Variants in FAM13A observed in about 807,000 individuals in gnomAD.
FAM13A encodes the protein protein FAM13A.
In FAM13A, 76 loss-of-function variants were observed where a neutral mutation model predicts 129.6. That is an observed-to-expected ratio of 0.59 (90% CI 0.49 to 0.71). The LOEUF (loss-of-function observed/expected upper bound fraction) is 0.71, where lower values mean the gene tolerates loss of function less well. FAM13A is among the 30% of genes least tolerant of loss of function. The pLI is 0.00. For synonymous variants in FAM13A, 443 were observed against 449.9 expected (o/e 0.98, Z 0.20); for missense variants, 1,108 against 1,249.3 (o/e 0.89, Z 1.70).
intron 7 of FAM13A, among the ~76,000 whole-genome samples, chr4:88,820,742 G>C (rs1223271639): frequency 6.6e-6 from 1 of 152,160 alleles, no homozygotes; most frequent in Non-Finnish European, 1.5e-5. Context: ...GCTACCTCCA[G>C]ATTTGGATGC....
intron 13 of FAM13A, among the ~76,000 whole-genome samples, chr4:88,761,289 T>A (rs771269182): frequency 3.3e-4 from 51 of 152,344 alleles, no homozygotes; most frequent in Middle Eastern, 3.4e-3. Context: ...TCTCTACTAC[T>A]ATTTGACACC....
intron 6 of FAM13A, among the ~76,000 whole-genome samples, chr4:88,869,339 C>A (rs1164890792): frequency 6.6e-6 from 1 of 152,180 alleles, no homozygotes; most frequent in African/African-American, 2.4e-5. Context: ...TGGAGATGTT[C>A]TCAAACTCTT....
rs369450295 is a variant in FAM13A, at chr4:88,923,856, C to T, written c.759+14232G>A. The stretch of plus-strand genomic sequence containing the variant: ...AGCTGATAAGCAACTTCAGCAAAGT[C>T]TCAGGATACAAAATCAATGTACGAA... On this transcript the variant is annotated intron_variant, in intron 5 of 23. Coordinates refer to ENST00000264344, the MANE Select transcript of FAM13A (RefSeq NM_014883.4). 1.3e-3 allele frequency among the ~76,000 whole-genome samples: 194 copies of T among 152,252 alleles called. 3 individuals carry two copies. Among genetic ancestry groups the T allele is most frequent in the East Asian group, 5.6e-3 (29 of 5,178 alleles).
At chr4:88,997,370 T>G in intron 3 of FAM13A, among the ~76,000 whole-genome samples, 1 of 152,206 alleles carries the variant, frequency 6.6e-6, no homozygotes, top group African/African-American at 2.4e-5. Flanking sequence ...CAAGTTTTCT[T>G]GAAAGTTCTC....
intron 1 of FAM13A, among the ~76,000 whole-genome samples, chr4:89,050,359 C>T (rs939345198): frequency 6.6e-6 from 1 of 152,022 alleles, no homozygotes; most frequent in Non-Finnish European, 1.5e-5. Context: ...TGTGCCACCA[C>T]TCCCAGCTAA....
intron 1 of FAM13A, among the ~76,000 whole-genome samples, chr4:89,049,089 G>A (rs1771224394): frequency 6.6e-6 from 1 of 152,090 alleles, no homozygotes; most frequent in Non-Finnish European, 1.5e-5. Context: ...ATAGTGTTTT[G>A]AATTTTTATA....
chr4:89,010,789 C>T (rs1394393269), intron 3 of FAM13A, among the ~76,000 whole-genome samples: 1 of 152,138 alleles, frequency 6.6e-6, no homozygotes, highest in African/African-American at 2.4e-5. Flanking sequence ...ACCAGACTAC[C>T]CCTTCCTAAC....
At chr4:88,808,684 C>T (rs1729062764) in intron 7 of FAM13A, among the ~76,000 whole-genome samples, 1 of 151,988 alleles carries the variant, frequency 6.6e-6, no homozygotes, top group South Asian at 2.1e-4. Context: ...CGATTTCCTC[C>T]TTGGTTACCA....
chr4:88,964,996 A>G (rs1225031003), intron 4 of FAM13A, among the ~76,000 whole-genome samples: 1 of 152,242 alleles, frequency 6.6e-6, no homozygotes, highest in Non-Finnish European at 1.5e-5. Flanking sequence ...GTGTGCTGGT[A>G]TTAGTTTTCT....
chr4:88,802,986 G>C (rs780549375), intron 8 of FAM13A, among the ~76,000 whole-genome samples: 2 of 152,158 alleles, frequency 1.3e-5, no homozygotes, highest in Admixed American at 6.5e-5. Context: ...TGTAGCCACT[G>C]AGTTTTGCTG....
At chr4:88,851,239 C>A in intron 6 of FAM13A, 56 bp from the exon 7 acceptor site, 2 of 1,420,982 alleles carry the variant, frequency 1.4e-6, no homozygotes, top group Non-Finnish European at 1.9e-6. Flanking sequence ...TAAAGTCTTT[C>A]AAATTAAGTT....
intron 11 of FAM13A, 142 bp from the exon 12 acceptor site, chr4:88,768,201 C>A (rs1053833017): frequency 3.4e-4 from 190 of 558,878 alleles, no homozygotes; most frequent in Non-Finnish European, 5.3e-4. Flanking sequence ...TTTGTTTAAA[C>A]TAGTAAAATT....
intron 1 of FAM13A, 148 bp from the exon 2 acceptor site, chr4:89,029,797 A>G (rs984267211): frequency 1.4e-5 from 10 of 697,874 alleles, no homozygotes; most frequent in Non-Finnish European, 2.2e-5. Context: ...AATCTCTAAC[A>G]TCTCTCACAT....
chr4:88,752,184 G>A (rs941235628), intron 14 of FAM13A, among the ~76,000 whole-genome samples: 7 of 152,278 alleles, frequency 4.6e-5, no homozygotes, highest in Admixed American at 3.9e-4. Flanking sequence ...ACACACACAA[G>A]TTTAAAAGCT....
At chr4:88,790,500 G>C (rs1019136516) in intron 9 of FAM13A, 86 bp downstream of exon 9, 1 of 1,119,870 alleles carries the variant, frequency 8.9e-7, no homozygotes, top group Non-Finnish European at 1.3e-6. Flanking sequence ...CACCATTAGA[G>C]TTGCTTTTTT....
At chr4:89,028,619 A>G (rs1560868174) in intron 2 of FAM13A, among the ~76,000 whole-genome samples, 1 of 152,148 alleles carries the variant, frequency 6.6e-6, no homozygotes, top group Non-Finnish European at 1.5e-5. Context: ...TGAGCCCTGA[A>G]GTATGAGATT....
At chr4:88,776,899 G>A (rs781294520) in intron 11 of FAM13A, among the ~76,000 whole-genome samples, 2 of 152,186 alleles carry the variant, frequency 1.3e-5, no homozygotes, top group East Asian at 3.9e-4. Flanking sequence ...ACTTGAACCC[G>A]GGAGGGGGAG....
chr4:88,767,612 C>T lies in FAM13A; in HGVS notation c.1536-17G>A, dbSNP rs374331721. On this transcript the variant is annotated splice_polypyrimidine_tract_variant and intron_variant, in intron 12 of 23. Coordinates refer to ENST00000264344, the MANE Select transcript of FAM13A (RefSeq NM_014883.4). ...TTTCCTTTCCTATAAATAATGGCAA[C>T]AACAAAAAAATCATAAAATATCTAC... 7.6e-6 allele frequency: 12 copies of T among 1,578,948 alleles called. No individual in the cohort carries two copies. In the African/African-American group the frequency reaches 1.2e-4, roughly 16 times the overall value.
intron 8 of FAM13A, among the ~76,000 whole-genome samples, chr4:88,804,707 T>C (rs1578739644): frequency 1.8e-5 from 2 of 109,660 alleles, no homozygotes; most frequent in Non-Finnish European, 3.9e-5. Flanking sequence ...ATGTATAAAA[T>C]AGAGATTTTT....
Sources: gnomAD v4.1 joint callset for allele counts (sites outside exome capture counted in the v4.1 genomes callset) on GRCh38, gnomAD v4.1.1 for gene constraint, MANE v1.5 for transcripts, NCBI Gene and HGNC (gene_info 2026-07-23, HGNC 2026-07-21) for gene names.